Variants in SMG6 observed in about 807,000 individuals in gnomAD.
SMG6 encodes SMG6 nonsense mediated mRNA decay factor.
A neutral mutation model predicts 142.2 loss-of-function variants in SMG6; 66 were observed. The observed-to-expected ratio is 0.46, with a 90% CI of 0.38 to 0.57. SMG6 has a LOEUF of 0.57. SMG6 is among the 20% of genes least tolerant of loss of function. The pLI, the probability that SMG6 is intolerant of heterozygous loss-of-function variation, is 0.00. For synonymous variants in SMG6, 779 were observed against 702.4 expected (o/e 1.11, Z -1.72); for missense variants, 1,793 against 1,832.0 (o/e 0.98, Z 0.39).
At chr17:2,240,096 C>T (rs2073763432) in intron 9 of SMG6, 1 of 152,224 alleles carries the variant, frequency 6.6e-6, no homozygotes, top group Admixed American at 6.5e-5. Flanking sequence ...AGTACTTCTC[C>T]CGAATCCGAG....
chr17:2,201,628 G>A (rs936361704), intron 10 of SMG6, among the ~76,000 whole-genome samples: 7 of 149,832 alleles, frequency 4.7e-5, no homozygotes, highest in African/African-American at 1.5e-4. Flanking sequence ...GTAGTGAGCC[G>A]AGACCACGCC....
chr17:2,170,174 G>A (rs555118920), intron 13 of SMG6, among the ~76,000 whole-genome samples: 1 of 152,148 alleles, frequency 6.6e-6, no homozygotes, highest in South Asian at 2.1e-4. Context: ...TTTCACAGTC[G>A]TTGAAGTGGA....
At position 2,060,530 on chromosome 17, in the gene SMG6, C is replaced by G. The variant is rs1449214887; in HGVS notation, c.*962G>C. ...GAGAGGGAAAGTTCAGAGTGAGAAC[C>G]CCTATGACGAGGAACCGCGGTGAAG... On this transcript the variant is annotated 3_prime_UTR_variant, in exon 19 of 19. Transcript: ENST00000263073. 6.6e-6 allele frequency: 1 copy of G among 152,244 alleles called. No homozygotes were observed. The highest frequency in any genetic ancestry group is 1.5e-5 in the Non-Finnish European group (1 of 68,096). 9.4% of individuals were successfully genotyped at this position (152,244 alleles called of 1,614,324 possible). A position where few individuals can be genotyped will look rare whatever the true frequency, so the allele number is the denominator to read the frequency against.
intron 13 of SMG6, among the ~76,000 whole-genome samples, chr17:2,094,119 A>C (rs2068795674): frequency 6.6e-6 from 1 of 152,154 alleles, no homozygotes; most frequent in African/African-American, 2.4e-5. Context: ...GCCACTAATA[A>C]ATGTATCAGA....
In SMG6 at chr17:2,086,277, T is replaced by C. The variant is rs542392748; in HGVS notation, c.3358-376A>G. Among the ~76,000 whole-genome samples the C allele has an allele frequency of 9.9e-4, 151 of 152,298 alleles. 1 individual carries two copies. Among genetic ancestry groups the C allele is most frequent in the African/African-American group, 3.4e-3 (140 of 41,554 alleles). On this transcript the variant is annotated intron_variant, in intron 13 of 18. Transcript: ENST00000263073. ...GGAAGAGTGGAGTGCTTTCACAGCA[T>C]AGAGCTTTCTGGGGCCCCTCGCTGC...
intron 14 of SMG6, among the ~76,000 whole-genome samples, chr17:2,084,227 G>A (rs2068497166): frequency 1.3e-5 from 2 of 152,240 alleles, no homozygotes. Flanking sequence ...AGAGCTGACG[G>A]AGGCACTGCT....
chr17:2,197,875 G>A (rs1484285169), intron 10 of SMG6, among the ~76,000 whole-genome samples: 1 of 152,202 alleles, frequency 6.6e-6, no homozygotes, highest in African/African-American at 2.4e-5. Flanking sequence ...CATGTACGTT[G>A]CTGATGGAAT....
In SMG6 at chr17:2,086,737, C is replaced by A. The variant is rs149717119; in HGVS notation, c.3358-836G>T. On this transcript the variant is annotated intron_variant, in intron 13 of 18. Transcript: ENST00000263073. ...GGCCCCCCTTCTGGAGGCACCACAC[C>A]TGCATGCCCTCTCCTCCACACCCGT... Among the ~76,000 whole-genome samples, 691 of 152,328 alleles carry A rather than the reference C, an allele frequency of 4.5e-3. 5 individuals are homozygous for A. The highest frequency in any genetic ancestry group is 0.014 in the African/African-American group (586 of 41,562).
intron 13 of SMG6, chr17:2,088,875 T>C: frequency 1.0e-6 from 1 of 980,950 alleles, no homozygotes; most frequent in Non-Finnish European, 1.2e-6. Flanking sequence ...GGACCACCGC[T>C]CTCTTGATGC....
chr17:2,242,320 G>T (rs1196863053), intron 9 of SMG6, among the ~76,000 whole-genome samples: 4 of 143,300 alleles, frequency 2.8e-5, no homozygotes, highest in African/African-American at 1.1e-4. Context: ...AGACCATCCT[G>T]GCTAACGTAG....
Position 2,172,703 on chromosome 17 carries a change from C to T in SMG6, c.3312G>A (p.Leu1104=), listed in dbSNP as rs1189686668. The change falls in exon 13 of 19, where the codon CTG becomes CTA. Residue 1104 remains leucine (L), a synonymous_variant. Transcript: ENST00000263073. ...CGTAGCAGGGGTCCTGAGGGGCAGC[C>T]AGCAAGGGGACAAAGCCCGAGAGAA... The part of the protein sequence containing the change: ...DRLLSGFVPL[L]AAPQDPCYVE... 1 of 1,613,796 alleles carries T rather than the reference C, an allele frequency of 6.2e-7. No homozygotes were observed. Among genetic ancestry groups the T allele is most frequent in the East Asian group, 2.2e-5 (1 of 44,878 alleles).
chr17:2,234,527 C>T (rs183763846), intron 10 of SMG6, among the ~76,000 whole-genome samples: 8 of 152,158 alleles, frequency 5.3e-5, no homozygotes, highest in Middle Eastern at 3.4e-3. Flanking sequence ...CCTCCCAAAG[C>T]GCTGGGATTA....
chr17:2,243,518 T>C (rs748997473), intron 9 of SMG6, among the ~76,000 whole-genome samples: 3 of 152,022 alleles, frequency 2.0e-5, no homozygotes, highest in Non-Finnish European at 2.9e-5. Context: ...CCATCTCTGC[T>C]AAAAATGCAA....
intron 13 of SMG6, among the ~76,000 whole-genome samples, chr17:2,151,701 T>G (rs149346328): frequency 2.0e-5 from 3 of 152,218 alleles, no homozygotes; most frequent in Admixed American, 6.5e-5. Context: ...AGATTCCACA[T>G]AGTATCTTCT....
At chr17:2,240,647 G>A (rs1167091210) in intron 9 of SMG6, among the ~76,000 whole-genome samples, 1 of 152,142 alleles carries the variant, frequency 6.6e-6, no homozygotes, top group Non-Finnish European at 1.5e-5. Context: ...AACTCTTTTT[G>A]GCACTGAATA....
chr17:2,116,905 A>G (rs1033392177), intron 13 of SMG6, among the ~76,000 whole-genome samples: 14 of 152,082 alleles, frequency 9.2e-5, no homozygotes, highest in African/African-American at 3.4e-4. Flanking sequence ...AACATGGGTA[A>G]AAATCAGGAA....
At chr17:2,079,851 G>GA (rs1326683072) in intron 15 of SMG6, among the ~76,000 whole-genome samples, 2 of 152,244 alleles carry the variant, frequency 1.3e-5, no homozygotes, top group African/African-American at 4.8e-5. Flanking sequence ...AAGGCGGGCA[G>GA]ATCACCTGAG....
chr17:2,271,369 G>A (rs1048180991), intron 8 of SMG6, among the ~76,000 whole-genome samples: 1 of 151,698 alleles, frequency 6.6e-6, no homozygotes, highest in Non-Finnish European at 1.5e-5. Flanking sequence ...GGGATTACAG[G>A]TGTGAGCCAC....
At chr17:2,269,872 T>C (rs1022889762) in intron 8 of SMG6, among the ~76,000 whole-genome samples, 1 of 152,084 alleles carries the variant, frequency 6.6e-6, no homozygotes, top group African/African-American at 2.4e-5. Context: ...CTGATAAAAG[T>C]AGGACTTCAG....
Sources: gnomAD v4.1 joint callset for allele counts (sites outside exome capture counted in the v4.1 genomes callset) on GRCh38, gnomAD v4.1.1 for gene constraint, MANE v1.5 for transcripts, NCBI Gene and HGNC (gene_info 2026-07-23, HGNC 2026-07-21) for gene names.